The following ERC2 variants were observed in gnomAD, a reference collection of about 807,000 sequenced individuals.
The protein encoded by ERC2 is ERC protein 2.
Under a neutral mutation model 114.8 loss-of-function variants are expected in ERC2, and 42 were observed. That is an observed-to-expected ratio of 0.37 (90% confidence interval 0.29 to 0.47). The LOEUF is 0.47. ERC2 is among the 20% of genes least tolerant of loss of function. The pLI, the probability that ERC2 is intolerant of heterozygous loss-of-function variation, is 0.99. For missense variants in ERC2, 939 were observed against 1,150.7 expected, an observed-to-expected ratio of 0.82 and a Z score of 2.66; for synonymous variants, 454 against 425.5, an observed-to-expected ratio of 1.07 and a Z score of -0.82.
At chr3:56,438,574 G>T (rs2062138094) in intron 1 of ERC2, among the ~76,000 whole-genome samples, 1 of 151,458 alleles carries the variant, frequency 6.6e-6, no homozygotes, top group African/African-American at 2.4e-5. Flanking sequence ...TTAAAAAAAT[G>T]ATTTTCTTTC....
intron 13 of ERC2, among the ~76,000 whole-genome samples, chr3:55,897,492 A>C (rs1404058537): frequency 6.6e-6 from 1 of 152,202 alleles, no homozygotes; most frequent in Non-Finnish European, 1.5e-5. Context: ...AGAGGATGGC[A>C]GTTTTCAGTT....
chr3:55,700,234 C>T (rs1246057615), intron 15 of ERC2, among the ~76,000 whole-genome samples: 1 of 152,118 alleles, frequency 6.6e-6, no homozygotes, highest in Non-Finnish European at 1.5e-5. Flanking sequence ...TTATGCAGGG[C>T]AAGAAATGGA....
chr3:55,542,923 A>T (rs2054494501), intron 17 of ERC2, among the ~76,000 whole-genome samples: 2 of 152,152 alleles, frequency 1.3e-5, no homozygotes, highest in South Asian at 4.2e-4. Flanking sequence ...TCCTAAAACA[A>T]CCACTCTCAG....
chr3:56,183,570 C>A (rs1403605981), intron 3 of ERC2, among the ~76,000 whole-genome samples: 1 of 152,198 alleles, frequency 6.6e-6, no homozygotes, highest in Admixed American at 6.5e-5. Context: ...GAATGCCTTC[C>A]CTGCCTCTTT....
chr3:55,930,526 G>A (rs2066014206), intron 13 of ERC2, among the ~76,000 whole-genome samples: 1 of 152,106 alleles, frequency 6.6e-6, no homozygotes, highest in Non-Finnish European at 1.5e-5. Flanking sequence ...TTTAATAAAT[G>A]GTGTTGGGAA....
At chr3:55,526,677 A>G (rs1212474523) in intron 17 of ERC2, among the ~76,000 whole-genome samples, 1 of 152,222 alleles carries the variant, frequency 6.6e-6, no homozygotes, top group Non-Finnish European at 1.5e-5. Context: ...AAACCCCTGA[A>G]GATGAGCCAG....
chr3:56,007,516 C>G (rs959910920), intron 9 of ERC2, among the ~76,000 whole-genome samples, 195 bp from the exon 10 acceptor site: 1 of 152,160 alleles, frequency 6.6e-6, no homozygotes, highest in East Asian at 1.9e-4. Context: ...CGAGTAGGAT[C>G]TAATTGCCGT....
At chr3:56,292,303 G>C (rs937537566) in intron 3 of ERC2, among the ~76,000 whole-genome samples, 6 of 151,866 alleles carry the variant, frequency 4.0e-5, no homozygotes, top group Non-Finnish European at 5.9e-5. Context: ...TGGGATGTAG[G>C]CCAGGCACGG....
At chr3:56,195,763 G>A (rs2048064505) in intron 3 of ERC2, among the ~76,000 whole-genome samples, 1 of 152,040 alleles carries the variant, frequency 6.6e-6, no homozygotes, top group Non-Finnish European at 1.5e-5. Context: ...AGGGGTCAAG[G>A]CTTCAGTGAG....
intron 3 of ERC2, among the ~76,000 whole-genome samples, chr3:56,200,230 C>T (rs895738549): frequency 6.6e-6 from 1 of 151,952 alleles, no homozygotes; most frequent in Non-Finnish European, 1.5e-5. Flanking sequence ...GAAACCCTCA[C>T]ACAGAGCAGG....
At chr3:56,307,639 A>T (rs1398189160) in intron 2 of ERC2, among the ~76,000 whole-genome samples, 1 of 152,200 alleles carries the variant, frequency 6.6e-6, no homozygotes, top group Non-Finnish European at 1.5e-5. Flanking sequence ...TTCTTTAACC[A>T]ATCAGGCCAC....
chr3:55,840,921 T>C (rs2061104903), intron 14 of ERC2, among the ~76,000 whole-genome samples: 1 of 152,086 alleles, frequency 6.6e-6, no homozygotes, highest in Admixed American at 6.5e-5. Flanking sequence ...CAGAGTGACA[T>C]AAAGCAGATC....
At chr3:55,733,715 T>C (rs1045519403) in intron 15 of ERC2, among the ~76,000 whole-genome samples, 1 of 152,074 alleles carries the variant, frequency 6.6e-6, no homozygotes, top group Non-Finnish European at 1.5e-5. Context: ...GGAGGGAACT[T>C]ATTCCTTCAG....
chr3:55,707,438 CA>C (rs11344556), intron 15 of ERC2, among the ~76,000 whole-genome samples: 81,031 of 151,450 alleles, frequency 0.54, 22,727 homozygotes, highest in South Asian at 0.73. Context: ...GATCTTGTCT[CA>C]AAAAAAAACA....
At chr3:56,107,492 C>T (rs1208300954) in intron 6 of ERC2, among the ~76,000 whole-genome samples, 1 of 152,096 alleles carries the variant, frequency 6.6e-6, no homozygotes, top group African/African-American at 2.4e-5. Flanking sequence ...GCCACTCACC[C>T]AGTCTCTGCT....
rs1183542522 is a variant in ERC2, at chr3:56,424,448, T to TGTAAGGCCACTAATGTG, written c.657+9886_657+9902dup. On this transcript the variant is annotated intron_variant, in intron 2 of 17. Transcript: ENST00000288221. ...AGAAGAAAACCTGGGAATAAAAATCTGTAAGGCCACTAATGTGGTACACAT... is the reference window on the plus strand; with the variant it reads ...AGAAGAAAACCTGGGAATAAAAATCTGTAAGGCCACTAATGTGGTAAGGCCACTAATGTGGTACACAT... Among the ~76,000 whole-genome samples the TGTAAGGCCACTAATGTG allele has an allele frequency of 3.3e-5, 5 of 152,226 alleles. No homozygotes were observed. The East Asian group carries it at 9.6e-4, about 29-fold the overall frequency.
At chr3:55,746,699 G>A (rs1289275218) in intron 14 of ERC2, among the ~76,000 whole-genome samples, 1 of 152,232 alleles carries the variant, frequency 6.6e-6, no homozygotes, top group Non-Finnish European at 1.5e-5. Flanking sequence ...GCAGGTGATG[G>A]TGGTAGCCAG....
intron 3 of ERC2, among the ~76,000 whole-genome samples, chr3:56,199,469 A>G (rs1200796420): frequency 6.6e-6 from 1 of 152,000 alleles, no homozygotes; most frequent in East Asian, 1.9e-4. Context: ...TCTAAAGGAC[A>G]TTGAATATGT....
chr3:56,032,915 GAA>G (rs1237831764), intron 7 of ERC2, among the ~76,000 whole-genome samples: 1 of 66,568 alleles, frequency 1.5e-5, no homozygotes. Flanking sequence ...AAGAAAGAAA[GAA>G]AGAAAGAAAG....
Sources: gnomAD v4.1 joint callset for allele counts (sites outside exome capture counted in the v4.1 genomes callset) on GRCh38, gnomAD v4.1.1 for gene constraint, MANE v1.5 for transcripts, NCBI Gene and HGNC (gene_info 2026-07-23, HGNC 2026-07-21) for gene names.